RBMS3: variants seen among roughly 807,000 people sequenced by gnomAD.
RBMS3 encodes RNA-binding motif, single-stranded-interacting protein 3.
In RBMS3, 27 loss-of-function variants were observed where a neutral mutation model predicts 66.8. The ratio of observed to expected loss-of-function variants is 0.40; its 90% confidence interval spans 0.30 to 0.56. RBMS3 has a LOEUF of 0.56. Ranked by LOEUF, RBMS3 falls within the 20% of genes least tolerant of loss-of-function variation. The probability of loss-of-function intolerance (pLI) is 0.40; values close to 1 mark genes in which losing one functional copy is unlikely to be tolerated. For synonymous variants in RBMS3, 188 were observed against 183.0 expected (o/e 1.03, Z -0.22); for missense variants, 513 against 549.5 (o/e 0.93, Z 0.66).
chr3:29,937,501 G>A (rs956690212), intron 11 of RBMS3, among the ~76,000 whole-genome samples: 1 of 151,966 alleles, frequency 6.6e-6, no homozygotes, highest in Non-Finnish European at 1.5e-5. Context: ...TAAATAGGAA[G>A]AAAGTCAATA....
intron 1 of RBMS3, among the ~76,000 whole-genome samples, chr3:29,321,414 A>G (rs1465365083): frequency 6.6e-6 from 1 of 152,164 alleles, no homozygotes; most frequent in Admixed American, 6.6e-5. Context: ...AAATAGAACA[A>G]TAATTTGAAC....
chr3:29,696,331 C>T (rs1167811697), intron 4 of RBMS3, among the ~76,000 whole-genome samples: 1 of 152,124 alleles, frequency 6.6e-6, no homozygotes, highest in Non-Finnish European at 1.5e-5. Context: ...AAGATAAATG[C>T]ACTTAGCATA....
chr3:29,549,684 G>A (rs1240861163), intron 3 of RBMS3, among the ~76,000 whole-genome samples: 1 of 152,036 alleles, frequency 6.6e-6, no homozygotes, highest in Non-Finnish European at 1.5e-5. Context: ...ACAGGCATGA[G>A]CCACCGTGGA....
At chr3:29,539,420 A>G (rs1451666826) in intron 3 of RBMS3, among the ~76,000 whole-genome samples, 1 of 152,202 alleles carries the variant, frequency 6.6e-6, no homozygotes, top group Non-Finnish European at 1.5e-5. Context: ...CTACACAAGT[A>G]GCCTCAGCGT....
At chr3:29,740,555 T>C (rs781670281) in intron 5 of RBMS3, among the ~76,000 whole-genome samples, 2 of 152,212 alleles carry the variant, frequency 1.3e-5, no homozygotes, top group Non-Finnish European at 2.9e-5. Flanking sequence ...GTTTAAATAG[T>C]TGTACCTGCT....
intron 3 of RBMS3, among the ~76,000 whole-genome samples, chr3:29,493,935 A>G (rs889248709): frequency 5.9e-5 from 9 of 152,194 alleles, no homozygotes; most frequent in Admixed American, 2.0e-4. Flanking sequence ...TCATTAGAGG[A>G]CACAAATTGG....
At chr3:29,751,135 T>C (rs2149365731) in intron 5 of RBMS3, among the ~76,000 whole-genome samples, 1 of 152,272 alleles carries the variant, frequency 6.6e-6, no homozygotes, top group South Asian at 2.1e-4. Flanking sequence ...AGGGAAACTC[T>C]CCCTGCAGCT....
chr3:29,301,681 G>C (rs1264352030), intron 1 of RBMS3, among the ~76,000 whole-genome samples: 1 of 151,888 alleles, frequency 6.6e-6, no homozygotes, highest in African/African-American at 2.4e-5. Context: ...TTGAATGACC[G>C]ACTGACTGTT....
intron 14 of RBMS3, among the ~76,000 whole-genome samples, chr3:29,997,615 T>C (rs1699331083): frequency 6.6e-6 from 1 of 151,360 alleles, no homozygotes; most frequent in Non-Finnish European, 1.5e-5. Context: ...TGGTTCAATA[T>C]ACGCAAATCA....
intron 3 of RBMS3, among the ~76,000 whole-genome samples, chr3:29,546,183 T>G (rs1197398281): frequency 6.6e-6 from 1 of 151,672 alleles, no homozygotes; most frequent in Non-Finnish European, 1.5e-5. Context: ...TACACATTTA[T>G]TTTTTATTTA....
intron 4 of RBMS3, among the ~76,000 whole-genome samples, chr3:29,726,854 G>GA (rs1393212152): frequency 6.6e-6 from 1 of 151,918 alleles, no homozygotes; most frequent in East Asian, 1.9e-4. Context: ...TGCAAAATTA[G>GA]AAAAAAAGTA....
chr3:29,466,644 G>A (rs1357645666), intron 2 of RBMS3, among the ~76,000 whole-genome samples: 3 of 152,076 alleles, frequency 2.0e-5, no homozygotes, highest in Non-Finnish European at 2.9e-5. Context: ...TGGCATGTTG[G>A]TTAATTCTAG....
intron 4 of RBMS3, among the ~76,000 whole-genome samples, chr3:29,630,368 T>C (rs2049238740): frequency 6.6e-6 from 1 of 152,028 alleles, no homozygotes; most frequent in Non-Finnish European, 1.5e-5. Flanking sequence ...CACAAGTGTT[T>C]TATTGTGTTA....
rs1336972891 is a variant in RBMS3 at position 29,892,843 on chromosome 3, G to GTATGTATTTATTTATT, written c.792-4533_792-4532insGTATTTATTTATTTAT. Among the ~76,000 whole-genome samples, 1,081 of 137,456 alleles carry GTATGTATTTATTTATT rather than the reference G, an allele frequency of 7.9e-3. 8 individuals are homozygous for GTATGTATTTATTTATT. The highest frequency in any genetic ancestry group is 0.019 in the African/African-American group (678 of 34,888). 90.2% of individuals were successfully genotyped at this position (137,456 alleles called of 152,430 possible). A position where few individuals can be genotyped will look rare whatever the true frequency, so the allele number is the denominator to read the frequency against. On this transcript the variant is annotated intron_variant, in intron 8 of 14. Transcript: ENST00000383767. ...TGTATGTATGTATGTATGTATGTATGTATTTATTTATTTATTTATTTATTT... is the reference window on the plus strand; with the variant it reads ...TGTATGTATGTATGTATGTATGTATGTATGTATTTATTTATTTATTTATTTATTTATTTATTTATTT...
At chr3:29,421,337 C>T (rs2125702169) in intron 1 of RBMS3, among the ~76,000 whole-genome samples, 1 of 151,940 alleles carries the variant, frequency 6.6e-6, no homozygotes, top group African/African-American at 2.4e-5. Flanking sequence ...GTTAGAAATT[C>T]GGGAGATAAT....
At chr3:29,626,661 A>G (rs1223705375) in intron 4 of RBMS3, among the ~76,000 whole-genome samples, 1 of 152,222 alleles carries the variant, frequency 6.6e-6, no homozygotes, top group Non-Finnish European at 1.5e-5. Context: ...AAACATCAAT[A>G]TGAGGAGTTA....
At chr3:29,603,760 G>A (rs979322412) in intron 4 of RBMS3, among the ~76,000 whole-genome samples, 1 of 152,010 alleles carries the variant, frequency 6.6e-6, no homozygotes, top group African/African-American at 2.4e-5. Flanking sequence ...AGATAAGTAA[G>A]TAGGTAATTA....
chr3:29,492,630 C>A (rs1050706918), intron 3 of RBMS3, among the ~76,000 whole-genome samples: 4 of 151,802 alleles, frequency 2.6e-5, no homozygotes, highest in African/African-American at 9.7e-5. Flanking sequence ...ATGTGAGATT[C>A]TAAATGGGAG....
At chr3:29,653,726 T>G (rs527843013) in intron 4 of RBMS3, among the ~76,000 whole-genome samples, 1 of 152,322 alleles carries the variant, frequency 6.6e-6, no homozygotes, top group East Asian at 1.9e-4. Context: ...AAATCAGCCC[T>G]ACAGCGATTC....
Sources: gnomAD v4.1 joint callset for allele counts (sites outside exome capture counted in the v4.1 genomes callset) on GRCh38, gnomAD v4.1.1 for gene constraint, MANE v1.5 for transcripts, NCBI Gene and HGNC (gene_info 2026-07-23, HGNC 2026-07-21) for gene names.